Variants in PRKD3 observed in about 807,000 individuals in gnomAD.
PRKD3 encodes serine/threonine-protein kinase D3.
Under a neutral mutation model 99.2 loss-of-function variants are expected in PRKD3, and 47 were observed. That is an observed-to-expected ratio of 0.47 (90% CI 0.38 to 0.60). The LOEUF (loss-of-function observed/expected upper bound fraction) is 0.60. Ranked by LOEUF, PRKD3 falls within the 20% of genes least tolerant of loss-of-function variation. The pLI is 0.00. For missense variants in PRKD3, 1,019 were observed against 1,088.4 expected (o/e 0.94, Z 0.90); for synonymous variants, 392 against 355.4 (o/e 1.10, Z -1.16).
intron 14 of PRKD3, among the ~76,000 whole-genome samples, chr2:37,263,712 G>C (rs1475645246): frequency 6.6e-6 from 1 of 152,160 alleles, no homozygotes; most frequent in Non-Finnish European, 1.5e-5. Context: ...GAGGACATAA[G>C]GGCTGCAGAT....
chr2:37,275,728 A>T (rs909607184), intron 10 of PRKD3, 39 bp downstream of exon 10: 19 of 1,558,530 alleles, frequency 1.2e-5, no homozygotes, highest in Non-Finnish European at 1.7e-5. Flanking sequence ...AACATACACT[A>T]TCTTAATGCT....
chr2:37,317,372 C>A (rs905972560), intron 1 of PRKD3, among the ~76,000 whole-genome samples, 193 bp from the exon 2 acceptor site: 1 of 151,520 alleles, frequency 6.6e-6, no homozygotes, highest in Non-Finnish European at 1.5e-5. Flanking sequence ...CAGGGAGAGG[C>A]TCGAAAAATA....
rs1355140639 is a variant in PRKD3, at chr2:37,259,578, C to T, written c.2145+5G>A. On this transcript the variant is annotated splice_donor_5th_base_variant and intron_variant, in intron 16 of 18. Transcript: ENST00000234179. ...TCATTTAAAAGGTTCTGGAGAATAT[C>T]TCACCTGAGGAAATGGCTCTGCTGA... 2 of 1,599,904 alleles carry T rather than the reference C, an allele frequency of 1.3e-6. No individual in the cohort carries two copies. The highest frequency in any genetic ancestry group is 1.7e-6 in the Non-Finnish European group (2 of 1,168,144).
Position 37,293,277 on chromosome 2 carries a change from G to A in PRKD3, c.289-6C>T. 6.3e-7 allele frequency: 1 copy of A among 1,583,124 alleles called. No homozygotes were observed. The highest frequency in any genetic ancestry group is 8.7e-7 in the Non-Finnish European group (1 of 1,155,936). On this transcript the variant is annotated splice_polypyrimidine_tract_variant and splice_region_variant and intron_variant, in intron 2 of 18. Coordinates refer to ENST00000234179, the MANE Select transcript of PRKD3 (RefSeq NM_005813.6). ...AAGAATCCACACTCTGGAAACTGAG[G>A]GATAATAGTCCTATATCAGTATGAC...
At chr2:37,269,473 A>G (rs1421739366) in intron 13 of PRKD3, 142 bp downstream of exon 13, 1 of 681,226 alleles carries the variant, frequency 1.5e-6, no homozygotes, top group Non-Finnish European at 2.6e-6. Context: ...AGTGAGAAGG[A>G]TTTAGCTGAA....
chr2:37,281,934 G>GA (rs1312211773), intron 7 of PRKD3, among the ~76,000 whole-genome samples: 85 of 150,216 alleles, frequency 5.7e-4, no homozygotes, highest in African/African-American at 1.8e-3. Flanking sequence ...ATCTTGAAAA[G>GA]AAAAAAAAAG....
chr2:37,257,282 G>C (rs1026680465), intron 16 of PRKD3, among the ~76,000 whole-genome samples: 3 of 152,142 alleles, frequency 2.0e-5, no homozygotes, highest in African/African-American at 7.2e-5. Context: ...TCCATCATCT[G>C]TGAGCAGGAA....
chr2:37,288,695 C>G (rs776689862), intron 5 of PRKD3, among the ~76,000 whole-genome samples: 1 of 152,182 alleles, frequency 6.6e-6, no homozygotes, highest in Non-Finnish European at 1.5e-5. Flanking sequence ...ATTCCACTAT[C>G]TCTTACTAAT....
At chr2:37,273,085 G>C (rs1669380328) in intron 11 of PRKD3, among the ~76,000 whole-genome samples, 1 of 152,098 alleles carries the variant, frequency 6.6e-6, no homozygotes, top group African/African-American at 2.4e-5. Flanking sequence ...AAGAGGTGGG[G>C]TTGGGGGACA....
rs763884516 is a variant in PRKD3, at chr2:37,256,643, T to A, written c.2413+19A>T. 76 of 1,395,328 alleles carry A rather than the reference T, an allele frequency of 5.4e-5. No homozygotes were observed. The highest frequency in any genetic ancestry group is 2.6e-4 in the Middle Eastern group (1 of 3,904). The allele number at this position is 1,395,328 out of a possible 1,614,324, so 86.4% of individuals were successfully genotyped here. On this transcript the variant is annotated intron_variant, in intron 17 of 18. Coordinates refer to ENST00000234179, the MANE Select transcript of PRKD3 (RefSeq NM_005813.6). ...CATAGCCAAAATTTTTTTTTTTTTT[T>A]TTTTTTTTTTTTTTTTACCTTCACC...
chr2:37,281,873 A>G (rs1669872674), intron 7 of PRKD3, among the ~76,000 whole-genome samples: 1 of 152,200 alleles, frequency 6.6e-6, no homozygotes, highest in Non-Finnish European at 1.5e-5. Context: ...CTGAAAGTCT[A>G]GAGTCCTTAC....
rs868279514 is a variant in PRKD3 at position 37,251,205 on chromosome 2, T to C, written c.*1972A>G. On this transcript the variant is annotated 3_prime_UTR_variant, in exon 19 of 19. Coordinates refer to ENST00000234179, the MANE Select transcript of PRKD3 (RefSeq NM_005813.6). ...GGAAAATAACATTTCTAAAAAAAAA[T>C]TTTTTTTGAAAATTAATTTGATTTA... The C allele has an allele frequency of 1.3e-5, 2 of 152,328 alleles. No individual in the cohort carries two copies. Among genetic ancestry groups the C allele is most frequent in the African/African-American group, 2.4e-5 (1 of 41,330 alleles). 9.4% of individuals were successfully genotyped at this position (152,328 alleles called of 1,614,324 possible). A position where few individuals can be genotyped will look rare whatever the true frequency, so the allele number is the denominator to read the frequency against.
chr2:37,295,197 G>C (rs1216524007), intron 2 of PRKD3, among the ~76,000 whole-genome samples: 1 of 152,104 alleles, frequency 6.6e-6, no homozygotes, highest in African/African-American at 2.4e-5. Context: ...TGTAAAGACA[G>C]AATAGTCCTT....
intron 4 of PRKD3, among the ~76,000 whole-genome samples, chr2:37,290,008 C>T (rs1010770292): frequency 2.0e-5 from 3 of 152,208 alleles, no homozygotes; most frequent in African/African-American, 4.8e-5. Context: ...TATTCGTTTA[C>T]ATATTGTCTA....
chr2:37,276,181 A>G (rs1246055948), intron 9 of PRKD3, among the ~76,000 whole-genome samples: 3 of 152,072 alleles, frequency 2.0e-5, no homozygotes, highest in Non-Finnish European at 2.9e-5. Context: ...CCTATAGGCT[A>G]TATTTCTAGA....
At chr2:37,307,253 A>G (rs1054808891) in intron 2 of PRKD3, among the ~76,000 whole-genome samples, 4 of 152,226 alleles carry the variant, frequency 2.6e-5, no homozygotes, top group African/African-American at 9.7e-5. Context: ...ATTTGCCAGT[A>G]AAATAGTCCA....
chr2:37,276,849 T>C (rs1669597548), intron 9 of PRKD3, among the ~76,000 whole-genome samples: 1 of 150,802 alleles, frequency 6.6e-6, no homozygotes, highest in Non-Finnish European at 1.5e-5. Flanking sequence ...TACATATATA[T>C]AACTTTATTT....
At position 37,269,640 on chromosome 2, in the gene PRKD3, T is replaced by C. The variant is rs1408306132; in HGVS notation, c.1752A>G (p.Ser584=). The change falls in exon 13 of 19, where the codon TCA becomes TCG. Residue 584 remains serine, a synonymous_variant. Coordinates refer to ENST00000234179, the MANE Select transcript of PRKD3 (RefSeq NM_005813.6). Reference sequence around the variant, plus strand: ...CTCCATAAACGATGCCAAACTGGCCTGAACCAAGCACCTCATCTGCAAAGA... The same window carrying C: ...CTCCATAAACGATGCCAAACTGGCCCGAACCAAGCACCTCATCTGCAAAGA... ...YQIFADEVLG[S]GQFGIVYGGK... 4.3e-6 allele frequency: 7 copies of C among 1,613,234 alleles called. 1 individual carries two copies. Among genetic ancestry groups the C allele is most frequent in the Non-Finnish European group, 4.2e-6 (5 of 1,179,218 alleles).
At chr2:37,296,764 G>A (rs942963753) in intron 2 of PRKD3, among the ~76,000 whole-genome samples, 1 of 151,802 alleles carries the variant, frequency 6.6e-6, no homozygotes, top group African/African-American at 2.4e-5. Flanking sequence ...GCCGGGCGTG[G>A]TGGCGGGCGC....
Sources: allele counts gnomAD v4.1 joint callset (sites outside exome capture counted in the v4.1 genomes callset), GRCh38; gene constraint gnomAD v4.1.1; transcripts MANE v1.5; gene names NCBI Gene and HGNC (gene_info 2026-07-23, HGNC 2026-07-21).